Variants in DISP1 observed in about 807,000 individuals in gnomAD.
DISP1 encodes the protein protein dispatched homolog 1.
In DISP1, 30 loss-of-function variants were observed where a neutral mutation model predicts 37.3. The ratio of observed to expected loss-of-function variants is 0.80; its 90% CI spans 0.60 to 1.09. DISP1 has a LOEUF of 1.09. Ranked by LOEUF, DISP1 falls within the 50% of genes least tolerant of loss-of-function variation. The pLI, the probability that DISP1 is intolerant of heterozygous loss-of-function variation, is 0.00. For synonymous variants in DISP1, 634 were observed against 690.2 expected (o/e 0.92, Z 1.28); for missense variants, 1,598 against 1,879.5 (o/e 0.85, Z 2.77).
intron 1 of DISP1, among the ~76,000 whole-genome samples, chr1:222,913,423 G>T (rs1332538088): frequency 6.6e-6 from 1 of 152,044 alleles, no homozygotes; most frequent in Non-Finnish European, 1.5e-5. Flanking sequence ...GAGTTTATTT[G>T]CAAAAGAAGT....
chr1:222,875,037 G>C (rs1341404375), intron 1 of DISP1, among the ~76,000 whole-genome samples: 1 of 152,086 alleles, frequency 6.6e-6, no homozygotes, highest in African/African-American at 2.4e-5. Flanking sequence ...CATTGTAAAC[G>C]AATTGGTAAA....
At chr1:222,960,537 A>G (rs1675975834) in intron 3 of DISP1, among the ~76,000 whole-genome samples, 1 of 152,204 alleles carries the variant, frequency 6.6e-6, no homozygotes, top group Non-Finnish European at 1.5e-5. Context: ...TCACATTGAC[A>G]CCTTAACATC....
chr1:222,821,697 G>A (rs1436821993), intron 1 of DISP1, among the ~76,000 whole-genome samples: 1 of 152,058 alleles, frequency 6.6e-6, no homozygotes, highest in East Asian at 1.9e-4. Context: ...CCAACATGGT[G>A]AAACTCTGTG....
chr1:222,974,173 G>GA (rs1389249790), intron 3 of DISP1, among the ~76,000 whole-genome samples: 1 of 152,104 alleles, frequency 6.6e-6, no homozygotes. Context: ...ATTTTTGGAT[G>GA]AAAAAATAAC....
intron 1 of DISP1, among the ~76,000 whole-genome samples, chr1:222,865,359 G>C (rs1212059500): frequency 6.6e-6 from 1 of 151,988 alleles, no homozygotes; most frequent in Admixed American, 6.5e-5. Context: ...ATTACTTTTT[G>C]TTTTAAAGAA....
At chr1:222,836,390 G>A (rs1667041616) in intron 1 of DISP1, among the ~76,000 whole-genome samples, 1 of 152,116 alleles carries the variant, frequency 6.6e-6, no homozygotes, top group African/African-American at 2.4e-5. Context: ...TTATCATTTG[G>A]AAGAAAAGAA....
At chr1:222,823,087 A>G (rs1421547586) in intron 1 of DISP1, among the ~76,000 whole-genome samples, 1 of 152,228 alleles carries the variant, frequency 6.6e-6, no homozygotes, top group Non-Finnish European at 1.5e-5. Flanking sequence ...GTGGGAATAT[A>G]AATTAGTACA....
At chr1:222,894,784 C>T (rs1453158200) in intron 1 of DISP1, among the ~76,000 whole-genome samples, 1 of 152,234 alleles carries the variant, frequency 6.6e-6, no homozygotes, top group Non-Finnish European at 1.5e-5. Context: ...GGCTGTGCCT[C>T]CCCTGCTACA....
chr1:222,907,078 A>C (rs1671940539), intron 1 of DISP1, among the ~76,000 whole-genome samples: 1 of 152,226 alleles, frequency 6.6e-6, no homozygotes, highest in East Asian at 1.9e-4. Context: ...AATAAGGATT[A>C]ATAAAATAGT....
At chr1:222,908,645 C>T (rs1034708143) in intron 1 of DISP1, among the ~76,000 whole-genome samples, 12 of 152,148 alleles carry the variant, frequency 7.9e-5, no homozygotes, top group East Asian at 1.9e-4. Context: ...CTGCCCACCA[C>T]GGCCTCCCAA....
chr1:222,911,404 A>G (rs1373023655), intron 1 of DISP1, among the ~76,000 whole-genome samples: 3 of 152,350 alleles, frequency 2.0e-5, no homozygotes, highest in African/African-American at 7.2e-5. Context: ...CTTCAAGTAT[A>G]AAACTGTAGA....
chr1:222,994,757 G>A, intron 7 of DISP1, 128 bp from the exon 8 acceptor site: 5 of 689,668 alleles, frequency 7.2e-6, no homozygotes, highest in Non-Finnish European at 1.2e-5. Flanking sequence ...TCAAAGGAAA[G>A]AATTTCCTGC....
intron 1 of DISP1, among the ~76,000 whole-genome samples, chr1:222,853,819 G>A (rs1398935368): frequency 1.3e-5 from 2 of 152,092 alleles, no homozygotes; most frequent in Non-Finnish European, 2.9e-5. Context: ...AAGGTCTAGT[G>A]TTCTATATCA....
In DISP1 at chr1:223,003,361, T is replaced by A; in HGVS notation, c.1964T>A (p.Val655Asp). The change falls in exon 9 of 9, where the codon GTT becomes GAT. Residue 655 changes from valine to aspartate, a missense_variant. Transcript: ENST00000675850. This position sits in a 1 kb window ranked among gnomAD's most constrained non-coding sequence, Gnocchi z 4.3. ...TTGATGGTCACATGGCTTCCAGCAG[T>A]TGTTGTGCTGCATGAGCGGTATCTT... ...YVLMVTWLPAVVVLHERYLLN... is the reference protein window; with the variant it reads ...YVLMVTWLPADVVLHERYLLN... The A allele has an allele frequency of 3.1e-6, 5 of 1,614,116 alleles. No homozygotes were observed. Among genetic ancestry groups the A allele is most frequent in the Non-Finnish European group, 4.2e-6 (5 of 1,180,038 alleles).
At chr1:222,919,364 G>A (rs976134405) in intron 1 of DISP1, among the ~76,000 whole-genome samples, 2 of 151,404 alleles carry the variant, frequency 1.3e-5, no homozygotes, top group African/African-American at 2.4e-5. Context: ...CTTGTGATTA[G>A]GCACATTGAA....
rs201988727 is a variant in DISP1, at chr1:223,004,340, C to T, written c.2943C>T (p.Ser981=). The change falls in exon 9 of 9, where the codon TCC becomes TCT. Residue 981 remains serine (S), a synonymous_variant. Transcript: ENST00000675850. The surrounding 1 kb of genome is among the most constrained non-coding windows in gnomAD (Gnocchi z 4.9). ...LEFYDLQDSL[S]DGTLIAMGLS... is the part of the protein sequence containing the mutation. ...TCTATGACCTCCAGGATAGCCTCTCCGATGGCACCCTCATTGCCATGGGGC... is the reference window on the plus strand; with the variant it reads ...TCTATGACCTCCAGGATAGCCTCTCTGATGGCACCCTCATTGCCATGGGGC... The T allele has an allele frequency of 1.4e-5, 23 of 1,614,196 alleles. No homozygotes were observed. Among genetic ancestry groups the T allele is most frequent in the East Asian group, 1.3e-4 (6 of 44,868 alleles).
At chr1:222,898,381 G>A (rs1671390756) in intron 1 of DISP1, among the ~76,000 whole-genome samples, 1 of 152,074 alleles carries the variant, frequency 6.6e-6, no homozygotes, top group African/African-American at 2.4e-5. Context: ...TGTTCTTAAA[G>A]AGTAAAGGTG....
chr1:222,933,167 G>A (rs574945828), intron 2 of DISP1, among the ~76,000 whole-genome samples: 1 of 151,888 alleles, frequency 6.6e-6, no homozygotes, highest in Non-Finnish European at 1.5e-5. Context: ...TATCGTTAAG[G>A]TTATTTTACA....
At chr1:222,815,278 G>C (rs1660891936) in intron 1 of DISP1, 200 bp downstream of exon 1, 1 of 152,746 alleles carries the variant, frequency 6.5e-6, no homozygotes, top group Non-Finnish European at 1.5e-5. Context: ...AGAGCCCTAA[G>C]GGCAGCCTTT....
Sources: gnomAD v4.1 joint callset for allele counts (sites outside exome capture counted in the v4.1 genomes callset) on GRCh38, gnomAD v4.1.1 for gene constraint, Gnocchi (gnomAD v3.1) non-coding constraint, MANE v1.5 for transcripts, NCBI Gene and HGNC (gene_info 2026-07-23, HGNC 2026-07-21) for gene names.